Variants in RNF180 observed in about 807,000 individuals in gnomAD.
The protein encoded by RNF180 is E3 ubiquitin-protein ligase RNF180.
Under a neutral mutation model 59.2 loss-of-function variants are expected in RNF180, and 38 were observed. The observed-to-expected ratio is 0.64, with a 90% CI of 0.50 to 0.84. The LOEUF (loss-of-function observed/expected upper bound fraction) is 0.84. Among genes scored for constraint, RNF180 ranks in the 40% least tolerant of loss-of-function variants. The probability of loss-of-function intolerance (pLI) is 0.00; values close to 1 mark genes in which losing one functional copy is unlikely to be tolerated. For synonymous variants in RNF180, 262 were observed against 240.3 expected, an observed-to-expected ratio of 1.09 and a Z score of -0.84; for missense variants, 705 against 700.9, an observed-to-expected ratio of 1.01 and a Z score of -0.07.
chr5:64,342,078 C>T lies in RNF180; in HGVS notation c.1579+11672C>T, dbSNP rs116692960. ...ACAGAACCCTGAGAAAGAGCAGGGA[C>T]AGATATAAGTCAAGTATATTACTTC... On this transcript the variant is annotated intron_variant, in intron 7 of 7. Coordinates refer to ENST00000389100, the MANE Select transcript of RNF180 (RefSeq NM_001113561.2). 3.6e-3 allele frequency among the ~76,000 whole-genome samples: 545 copies of T among 152,134 alleles called. 3 individuals are homozygous for T. The highest frequency in any genetic ancestry group is 0.013 in the African/African-American group (530 of 41,512).
intron 5 of RNF180, among the ~76,000 whole-genome samples, chr5:64,254,629 G>A (rs1293302624): frequency 2.6e-5 from 4 of 152,026 alleles, no homozygotes; most frequent in Non-Finnish European, 5.9e-5. Flanking sequence ...AATATAGATA[G>A]GGACAGTCTC....
At chr5:64,273,693 G>A (rs1014630870) in intron 5 of RNF180, among the ~76,000 whole-genome samples, 1 of 151,994 alleles carries the variant, frequency 6.6e-6, no homozygotes, top group Non-Finnish European at 1.5e-5. Flanking sequence ...AAGAAAAAAA[G>A]TACAGGCAAT....
Position 64,212,344 on chromosome 5 carries a change from GCA to G in RNF180, c.231+197_231+198del, listed in dbSNP as rs151002859. On this transcript the variant is annotated intron_variant, in intron 3 of 7. Coordinates refer to ENST00000389100, the MANE Select transcript of RNF180 (RefSeq NM_001113561.2). ...CTTTATATACCTACCTGTGTTTTAC[GCA>G]CACACACACACATGCACACACACAC... Among the ~76,000 whole-genome samples the G allele has an allele frequency of 3.1e-3, 464 of 149,504 alleles. 4 individuals carry two copies. The highest frequency in any genetic ancestry group is 9.6e-3 in the African/African-American group (391 of 40,706).
At chr5:64,232,242 G>C (rs1260666407) in intron 5 of RNF180, among the ~76,000 whole-genome samples, 2 of 152,150 alleles carry the variant, frequency 1.3e-5, no homozygotes, top group African/African-American at 2.4e-5. Context: ...TCTTTGGATT[G>C]GTTTCTTTAT....
At chr5:64,314,249 A>G (rs1743925793) in intron 5 of RNF180, among the ~76,000 whole-genome samples, 1 of 151,646 alleles carries the variant, frequency 6.6e-6, no homozygotes, top group Non-Finnish European at 1.5e-5. Context: ...TGTACTAAAT[A>G]TTTTTTCTCC....
chr5:64,233,508 T>C (rs1742222696), intron 5 of RNF180, among the ~76,000 whole-genome samples: 1 of 152,220 alleles, frequency 6.6e-6, no homozygotes, highest in African/African-American at 2.4e-5. Flanking sequence ...GGCTTTTGCT[T>C]ATGGACTATA....
rs199852321 is a variant in RNF180 at position 64,370,114 on chromosome 5, T to TA, written c.*306dup. 110 of 178,050 alleles carry TA rather than the reference T, an allele frequency of 6.2e-4. 1 individual carries two copies. The East Asian group carries it at 0.014, about 23-fold the overall frequency. The allele number at this position is 178,050 out of a possible 1,614,324, so 11.0% of individuals were successfully genotyped here. A position where few individuals can be genotyped will look rare whatever the true frequency, so the allele number is the denominator to read the frequency against. On this transcript the variant is annotated 3_prime_UTR_variant, in exon 8 of 8. Transcript: ENST00000389100. ...ATCACTTTAATACTTATTTTGATTG[T>TA]AAAAAACTGAAGTTTTCTCTCCACT... is the stretch of plus-strand genomic sequence containing the variant.
At chr5:64,365,565 G>A (rs1049940619) in intron 7 of RNF180, among the ~76,000 whole-genome samples, 2 of 151,534 alleles carry the variant, frequency 1.3e-5, no homozygotes, top group African/African-American at 2.4e-5. Context: ...CAGTGATCTA[G>A]TACTTTCAGT....
intron 5 of RNF180, among the ~76,000 whole-genome samples, chr5:64,295,480 G>C (rs1286765578): frequency 2.0e-5 from 3 of 152,180 alleles, no homozygotes; most frequent in Admixed American, 6.5e-5. Flanking sequence ...GTGGTCTGTA[G>C]CTCATAATGC....
At chr5:64,337,080 G>A (rs1413357874) in intron 7 of RNF180, among the ~76,000 whole-genome samples, 1 of 151,508 alleles carries the variant, frequency 6.6e-6, no homozygotes, top group Non-Finnish European at 1.5e-5. Context: ...CTGGAGTGCA[G>A]TGGTATGATC....
At position 64,329,526 on chromosome 5, in the gene RNF180, C is replaced by A. The variant is rs139940706; in HGVS notation, c.1454-755C>A. Among the ~76,000 whole-genome samples the A allele has an allele frequency of 3.6e-3, 544 of 149,078 alleles. 3 individuals are homozygous for A. Among genetic ancestry groups the A allele is most frequent in the African/African-American group, 0.013 (528 of 40,482 alleles). Reference sequence around the variant, plus strand: ...AGGCTGGAGTGCAATGGTGCCATCTCAGCTCACTGCAACCTCCACTTCCCA... The same window carrying A: ...AGGCTGGAGTGCAATGGTGCCATCTAAGCTCACTGCAACCTCCACTTCCCA... On this transcript the variant is annotated intron_variant, in intron 6 of 7. Transcript: ENST00000389100.
intron 1 of RNF180, among the ~76,000 whole-genome samples, chr5:64,174,757 C>T (rs1049254019): frequency 2.6e-5 from 4 of 152,046 alleles, no homozygotes; most frequent in East Asian, 1.9e-4. Flanking sequence ...TTCTGTTTAT[C>T]GATTGTGTCC....
chr5:64,207,716 T>G (rs991113178), intron 2 of RNF180, among the ~76,000 whole-genome samples: 4 of 152,154 alleles, frequency 2.6e-5, no homozygotes, highest in Non-Finnish European at 5.9e-5. Flanking sequence ...CATTGTGACC[T>G]TTTGATTATA....
At chr5:64,249,131 G>A (rs374406969) in intron 5 of RNF180, among the ~76,000 whole-genome samples, 3 of 152,056 alleles carry the variant, frequency 2.0e-5, no homozygotes, top group African/African-American at 4.8e-5. Flanking sequence ...GAGGGATAGC[G>A]TTAGGAGAAA....
intron 5 of RNF180, among the ~76,000 whole-genome samples, chr5:64,255,922 G>A (rs1743919453): frequency 6.6e-6 from 1 of 152,136 alleles, no homozygotes. Flanking sequence ...TCTCATTGTG[G>A]TTTTGATTTG....
chr5:64,366,706 A>G, intron 7 of RNF180, among the ~76,000 whole-genome samples: 1 of 151,708 alleles, frequency 6.6e-6, no homozygotes, highest in East Asian at 1.9e-4. Context: ...GAATTTTAAA[A>G]GGATGAACAA....
intron 5 of RNF180, among the ~76,000 whole-genome samples, chr5:64,222,255 A>T (rs1032059112): frequency 6.6e-6 from 1 of 152,160 alleles, no homozygotes; most frequent in Non-Finnish European, 1.5e-5. Flanking sequence ...AAGAGGACTC[A>T]TAGAACTAAG....
At chr5:64,200,687 C>T (rs1400805411) in intron 1 of RNF180, 121 bp from the exon 2 acceptor site, 1 of 767,862 alleles carries the variant, frequency 1.3e-6, no homozygotes, top group East Asian at 2.7e-5. Flanking sequence ...CTGGTAGGTA[C>T]CTTAATAAAT....
intron 5 of RNF180, among the ~76,000 whole-genome samples, chr5:64,311,843 A>G (rs1743783156): frequency 6.6e-6 from 1 of 151,966 alleles, no homozygotes; most frequent in African/African-American, 2.4e-5. Flanking sequence ...ATTTAGTGTC[A>G]GTTGTCTCCC....
Sources: allele counts gnomAD v4.1 joint callset (sites outside exome capture counted in the v4.1 genomes callset), GRCh38; gene constraint gnomAD v4.1.1; transcripts MANE v1.5; gene names NCBI Gene and HGNC (gene_info 2026-07-23, HGNC 2026-07-21).